The following CCBE1 variants were observed in gnomAD, a reference collection of about 807,000 sequenced individuals.
CCBE1 encodes collagen and calcium-binding EGF domain-containing protein 1.
In CCBE1, 37 loss-of-function variants were observed where a neutral mutation model predicts 50.0. That is an observed-to-expected ratio of 0.74 (90% confidence interval 0.57 to 0.97). CCBE1 has a LOEUF of 0.97. CCBE1 is among the 50% of genes least tolerant of loss of function. CCBE1 has a pLI of 0.00. For synonymous variants in CCBE1, 234 were observed against 203.7 expected, an observed-to-expected ratio of 1.15 and a Z score of -1.27; for missense variants, 538 against 523.8, an observed-to-expected ratio of 1.03 and a Z score of -0.26.
intron 2 of CCBE1, among the ~76,000 whole-genome samples, chr18:59,598,556 G>A (rs1047019804): frequency 6.6e-6 from 1 of 152,202 alleles, no homozygotes; most frequent in Non-Finnish European, 1.5e-5. Flanking sequence ...AGCAGGTGCA[G>A]GCTGGAAATG....
At chr18:59,618,727 C>T (rs2053671346) in intron 2 of CCBE1, among the ~76,000 whole-genome samples, 1 of 152,104 alleles carries the variant, frequency 6.6e-6, no homozygotes, top group African/African-American at 2.4e-5. Flanking sequence ...CACACCCGGC[C>T]TAGAAAAGTT....
At chr18:59,624,254 A>G (rs2144612474) in intron 2 of CCBE1, among the ~76,000 whole-genome samples, 1 of 152,312 alleles carries the variant, frequency 6.6e-6, no homozygotes, top group Non-Finnish European at 1.5e-5. Context: ...GACCTTCACA[A>G]TTTAGCCTCA....
chr18:59,575,277 C>T (rs2052977250), intron 2 of CCBE1, among the ~76,000 whole-genome samples: 1 of 152,112 alleles, frequency 6.6e-6, no homozygotes, highest in East Asian at 1.9e-4. Flanking sequence ...GCAAACTAAT[C>T]CACACTCCTA....
chr18:59,442,242 T>C (rs1910465741), intron 7 of CCBE1, among the ~76,000 whole-genome samples: 1 of 152,090 alleles, frequency 6.6e-6, no homozygotes, highest in Non-Finnish European at 1.5e-5. Context: ...TACAGGCTTC[T>C]GAAAGTTAAA....
chr18:59,611,692 A>G (rs7233637), intron 2 of CCBE1, among the ~76,000 whole-genome samples: 61,719 of 151,996 alleles, frequency 0.41, 12,893 homozygotes, highest in East Asian at 0.62. Flanking sequence ...GTTGCAGTGA[A>G]CCAAGATTGT....
intron 2 of CCBE1, among the ~76,000 whole-genome samples, chr18:59,674,776 T>C (rs2054477325): frequency 6.6e-6 from 1 of 152,234 alleles, no homozygotes; most frequent in African/African-American, 2.4e-5. Flanking sequence ...CTAAGATATC[T>C]TGTGTAATCC....
intron 2 of CCBE1, among the ~76,000 whole-genome samples, chr18:59,596,245 G>C (rs571843491): frequency 3.9e-4 from 60 of 152,302 alleles, no homozygotes; most frequent in African/African-American, 1.4e-3. Flanking sequence ...GGGAGAGAAA[G>C]CTGCTTGGAC....
chr18:59,452,054 A>T (rs192987177), intron 6 of CCBE1, among the ~76,000 whole-genome samples: 28 of 152,268 alleles, frequency 1.8e-4, no homozygotes, highest in African/African-American at 6.5e-4. Context: ...TAGGTCCTTT[A>T]AGTTTCCTGT....
chr18:59,612,447 T>G (rs1276435283), intron 2 of CCBE1, among the ~76,000 whole-genome samples: 1 of 152,098 alleles, frequency 6.6e-6, no homozygotes, highest in Non-Finnish European at 1.5e-5. Flanking sequence ...GCTACAGCAA[T>G]TCTAGGGCTG....
chr18:59,476,771 C>G (rs1912324881), intron 3 of CCBE1, among the ~76,000 whole-genome samples: 1 of 152,214 alleles, frequency 6.6e-6, no homozygotes, highest in Admixed American at 6.5e-5. Flanking sequence ...TGCTACATGT[C>G]AACTTGGCTA....
chr18:59,570,569 T>C (rs2052895859), intron 2 of CCBE1, among the ~76,000 whole-genome samples: 1 of 152,152 alleles, frequency 6.6e-6, no homozygotes, highest in Non-Finnish European at 1.5e-5. Context: ...CAAGACTTGT[T>C]ACCAGGATCC....
chr18:59,542,465 G>A (rs868257058), intron 2 of CCBE1, among the ~76,000 whole-genome samples: 1 of 152,074 alleles, frequency 6.6e-6, no homozygotes, highest in Non-Finnish European at 1.5e-5. Context: ...GAAAGCAACA[G>A]ATTTTTAAAA....
chr18:59,670,186 G>T (rs909123749), intron 2 of CCBE1, among the ~76,000 whole-genome samples: 1 of 152,022 alleles, frequency 6.6e-6, no homozygotes, highest in Non-Finnish European at 1.5e-5. Context: ...GCAAAACTCA[G>T]AAGTAAAACT....
chr18:59,517,208 G>A (rs1914410754), intron 2 of CCBE1, among the ~76,000 whole-genome samples: 1 of 152,148 alleles, frequency 6.6e-6, no homozygotes, highest in African/African-American at 2.4e-5. Flanking sequence ...CATTGCTAAA[G>A]CCCTTTTGAG....
chr18:59,592,340 A>G (rs1406424260), intron 2 of CCBE1, among the ~76,000 whole-genome samples: 1 of 152,252 alleles, frequency 6.6e-6, no homozygotes, highest in Non-Finnish European at 1.5e-5. Flanking sequence ...AAATCTCATT[A>G]TGTATATACA....
intron 2 of CCBE1, among the ~76,000 whole-genome samples, chr18:59,627,134 G>A (rs553342188): frequency 1.3e-5 from 2 of 152,256 alleles, no homozygotes; most frequent in South Asian, 4.1e-4. Context: ...AATTCATGGG[G>A]TATACTGTGA....
At chr18:59,460,063 G>A (rs1458862324) in intron 5 of CCBE1, among the ~76,000 whole-genome samples, 1 of 152,158 alleles carries the variant, frequency 6.6e-6, no homozygotes, top group Admixed American at 6.6e-5. Flanking sequence ...TCCTTAATTT[G>A]TCTCCCTATT....
At position 59,554,216 on chromosome 18, in the gene CCBE1, C is replaced by T. The variant is rs141874160; in HGVS notation, c.213-73978G>A. Among the ~76,000 whole-genome samples the T allele has an allele frequency of 8.5e-3, 1,300 of 152,230 alleles. 7 individuals are homozygous for T. Among genetic ancestry groups the T allele is most frequent in the Non-Finnish European group, 0.012 (804 of 68,006 alleles). On this transcript the variant is annotated intron_variant, in intron 2 of 10. Coordinates refer to ENST00000439986, the MANE Select transcript of CCBE1 (RefSeq NM_133459.4). Reference sequence around the variant, plus strand: ...TTCCCAGACTTGTCTTGAACTCAAGCGATCCTCTCACCTCAGCTTCCCAAA... The same window carrying T: ...TTCCCAGACTTGTCTTGAACTCAAGTGATCCTCTCACCTCAGCTTCCCAAA...
intron 2 of CCBE1, among the ~76,000 whole-genome samples, chr18:59,544,604 T>C (rs1015937656): frequency 6.6e-6 from 1 of 152,180 alleles, no homozygotes; most frequent in Admixed American, 6.5e-5. Flanking sequence ...ATTGGTATGG[T>C]TTCAAGAGCT....
Sources: allele counts gnomAD v4.1 joint callset (sites outside exome capture counted in the v4.1 genomes callset), GRCh38; gene constraint gnomAD v4.1.1; transcripts MANE v1.5; gene names NCBI Gene and HGNC (gene_info 2026-07-23, HGNC 2026-07-21).